The following ACO2 variants were observed in gnomAD, a reference collection of about 807,000 sequenced individuals.
The protein encoded by ACO2 is aconitase 2.
A neutral mutation model predicts 84.5 loss-of-function variants in ACO2; 31 were observed. The ratio of observed to expected loss-of-function variants is 0.37; its 90% CI spans 0.28 to 0.50. ACO2 has a LOEUF of 0.50. Among genes scored for constraint, ACO2 ranks in the 20% least tolerant of loss-of-function variants. The pLI is 0.97. For missense variants in ACO2, 685 were observed against 1,029.3 expected (o/e 0.67, Z 4.58); for synonymous variants, 414 against 412.7 (o/e 1.00, Z -0.04).
intron 1 of ACO2, among the ~76,000 whole-genome samples, chr22:41,476,567 G>T (rs1456338303): frequency 1.3e-5 from 2 of 151,444 alleles, no homozygotes; most frequent in African/African-American, 4.9e-5. Flanking sequence ...AAAATTAGCT[G>T]GGTGTGTGGG....
chr22:41,478,454 T>A (rs2038046465), intron 1 of ACO2, among the ~76,000 whole-genome samples: 1 of 152,214 alleles, frequency 6.6e-6, no homozygotes, highest in African/African-American at 2.4e-5. Context: ...AAGAAAACCC[T>A]TTCAATACTG....
At chr22:41,487,742 G>T (rs2066239623) in intron 1 of ACO2, among the ~76,000 whole-genome samples, 1 of 151,986 alleles carries the variant, frequency 6.6e-6, no homozygotes, top group Non-Finnish European at 1.5e-5. Context: ...TCTAGGATGA[G>T]AATCCACCTG....
rs1460044826 is a variant in ACO2, at chr22:41,524,860, G to A, written c.1497G>A (p.Leu499=). Residue 499 remains leucine (L), a synonymous_variant, in exon 13 of 18, where the codon CTG becomes CTA. Transcript: ENST00000216254. ...FVTSPEIVTA[L]AIAGTLKFNP... is the part of the protein sequence containing the mutation. ...CTCCATTTCAGATTGTCACAGCCCT[G>A]GCCATTGCGGGAACCCTCAAGTTCA... is the stretch of plus-strand genomic sequence containing the variant. 3 of 1,614,222 alleles carry A rather than the reference G, an allele frequency of 1.9e-6. No individual in the cohort carries two copies. The East Asian group carries it at 6.7e-5, about 36-fold the overall frequency.
At chr22:41,525,706 C>T (rs1010535263) in intron 14 of ACO2, 1 of 276,554 alleles carries the variant, frequency 3.6e-6, no homozygotes, top group Non-Finnish European at 6.9e-6. Flanking sequence ...CACGTCCACA[C>T]AGGCTCTGGA....
chr22:41,518,631 G>A, intron 8 of ACO2, 59 bp downstream of exon 8: 8 of 1,358,968 alleles, frequency 5.9e-6, no homozygotes, highest in Non-Finnish European at 7.4e-6. Context: ...AGCAGGGCGG[G>A]TCCTGCCTAA....
At chr22:41,484,510 A>G (rs531390856) in intron 1 of ACO2, among the ~76,000 whole-genome samples, 1 of 152,292 alleles carries the variant, frequency 6.6e-6, no homozygotes, top group South Asian at 2.1e-4. Flanking sequence ...CATGAAATAT[A>G]TCTTGCTTTT....
At chr22:41,469,346 A>G in intron 1 of ACO2, 164 bp downstream of exon 1, 1 of 749,770 alleles carries the variant, frequency 1.3e-6, no homozygotes, top group Non-Finnish European at 2.0e-6. Flanking sequence ...CTGGTGCCCT[A>G]GGTCAAGGCG....
chr22:41,528,341 G>T, intron 17 of ACO2, 138 bp from the exon 18 acceptor site: 1 of 1,277,678 alleles, frequency 7.8e-7, no homozygotes, highest in South Asian at 1.5e-5. Flanking sequence ...TGGGCCATCA[G>T]GCACAGACTG....
intron 7 of ACO2, among the ~76,000 whole-genome samples, chr22:41,518,023 C>G (rs1278570857): frequency 6.6e-6 from 1 of 152,214 alleles, no homozygotes; most frequent in African/African-American, 2.4e-5. Flanking sequence ...GAACCACTTT[C>G]CCAGCCTCCC....
rs754755239 is a variant in ACO2, at chr22:41,515,340, AG to A, written c.526-34del. The A allele has an allele frequency of 6.2e-7, 1 of 1,611,566 alleles. No individual in the cohort carries two copies. The highest frequency in any genetic ancestry group is 8.5e-7 in the Non-Finnish European group (1 of 1,179,636). The stretch of plus-strand genomic sequence containing the variant: ...GGCCATTTTTTGGTATTCTCGGCTG[AG>A]GGCTTCTAAATATAACATCTTGGAT... On this transcript the variant is annotated intron_variant, in intron 4 of 17. Coordinates refer to ENST00000216254, the MANE Select transcript of ACO2 (RefSeq NM_001098.3). The surrounding 1 kb of genome is among the most constrained non-coding windows in gnomAD (Gnocchi z 5.8).
At chr22:41,519,404 A>G (rs1219087859) in intron 8 of ACO2, among the ~76,000 whole-genome samples, 1 of 152,182 alleles carries the variant, frequency 6.6e-6, no homozygotes, top group East Asian at 1.9e-4. Context: ...AATTCATGTA[A>G]CTAACACTGA....
chr22:41,504,711 C>CTTTTTTT (rs926246283), intron 2 of ACO2, among the ~76,000 whole-genome samples: 5 of 48,604 alleles, frequency 1.0e-4, no homozygotes, highest in Non-Finnish European at 1.2e-4. Flanking sequence ...ACCTTAGGGA[C>CTTTTTTT]TTTTTTTTTT....
At chr22:41,486,814 G>A (rs1225882007) in intron 1 of ACO2, among the ~76,000 whole-genome samples, 2 of 152,094 alleles carry the variant, frequency 1.3e-5, no homozygotes, top group Admixed American at 6.6e-5. Context: ...CGTGATACCT[G>A]GTTCCTTTTT....
At chr22:41,518,093 T>C (rs1045577497) in intron 7 of ACO2, among the ~76,000 whole-genome samples, 2 of 152,212 alleles carry the variant, frequency 1.3e-5, no homozygotes, top group Non-Finnish European at 2.9e-5. Flanking sequence ...CATTGGCACC[T>C]GTGAAGGGTG....
chr22:41,473,561 T>C (rs771408142), intron 1 of ACO2, among the ~76,000 whole-genome samples: 1 of 152,146 alleles, frequency 6.6e-6, no homozygotes. Flanking sequence ...TTCTAGACAC[T>C]GGGGGTGCAG....
chr22:41,478,764 CTTTT>C (rs761466511), intron 1 of ACO2, among the ~76,000 whole-genome samples: 1 of 125,892 alleles, frequency 7.9e-6, no homozygotes, highest in African/African-American at 3.0e-5. Context: ...CACATATCTT[CTTTT>C]TTTTTTTTTT....
intron 4 of ACO2, among the ~76,000 whole-genome samples, chr22:41,513,331 C>T (rs554970227): frequency 2.0e-5 from 3 of 151,750 alleles, no homozygotes; most frequent in East Asian, 3.9e-4. Context: ...TACAGCAGCT[C>T]GTGTGTTTGT....
At chr22:41,504,945 A>G (rs917181785) in intron 2 of ACO2, among the ~76,000 whole-genome samples, 2 of 151,530 alleles carry the variant, frequency 1.3e-5, no homozygotes, top group Non-Finnish European at 1.5e-5. Flanking sequence ...AAACGCCTGG[A>G]CTCAAGTGAT....
intron 1 of ACO2, among the ~76,000 whole-genome samples, chr22:41,479,596 CTG>C (rs1412204707): frequency 6.6e-6 from 1 of 152,218 alleles, no homozygotes; most frequent in Non-Finnish European, 1.5e-5. Flanking sequence ...TCAGTCGGCT[CTG>C]TGCCTGTTTG....
Sources: gnomAD v4.1 joint callset for allele counts (sites outside exome capture counted in the v4.1 genomes callset) on GRCh38, gnomAD v4.1.1 for gene constraint, Gnocchi (gnomAD v3.1) non-coding constraint, MANE v1.5 for transcripts, NCBI Gene and HGNC (gene_info 2026-07-23, HGNC 2026-07-21) for gene names.